The following NXPE2 variants were observed in gnomAD, a reference collection of about 807,000 sequenced individuals.
NXPE2 encodes neurexophilin and PC-esterase domain family member 2.
A neutral mutation model predicts 34.4 loss-of-function variants in NXPE2; 34 were observed. The observed-to-expected ratio is 0.99, with a 90% confidence interval of 0.75 to 1.31. The LOEUF (loss-of-function observed/expected upper bound fraction) is 1.31. Among genes scored for constraint, NXPE2 ranks in the 40% most tolerant of loss-of-function variants. NXPE2 has a pLI of 0.00. For synonymous variants in NXPE2, 235 were observed against 231.3 expected (o/e 1.02, Z -0.15); for missense variants, 649 against 672.5 (o/e 0.97, Z 0.39).
the NXPE2 span, among the ~76,000 whole-genome samples, chr11:114,799,633 A>G: frequency 6.6e-6 from 1 of 152,206 alleles, no homozygotes; most frequent in Non-Finnish European, 1.5e-5. Context: ...TGCACTGCTT[A>G]CAATCATTCT....
At chr11:114,798,254 C>T in the NXPE2 span, among the ~76,000 whole-genome samples, 4 of 152,174 alleles carry the variant, frequency 2.6e-5, no homozygotes, top group Admixed American at 6.5e-5. Context: ...ATTTCTGTCA[C>T]CAACAGGTAA....
the NXPE2 span, among the ~76,000 whole-genome samples, chr11:114,500,888 T>A: frequency 1.3e-5 from 2 of 152,182 alleles, no homozygotes; most frequent in African/African-American, 2.4e-5. Flanking sequence ...CCATTCCTTA[T>A]GGAATTATTT....
chr11:114,691,988 G>T (rs1440484415), intron 2 of NXPE2, among the ~76,000 whole-genome samples: 1 of 152,178 alleles, frequency 6.6e-6, no homozygotes, highest in East Asian at 1.9e-4. Flanking sequence ...AGAAACTTTG[G>T]CTTCAGAAAC....
chr11:114,638,906 G>C, the NXPE2 span, among the ~76,000 whole-genome samples: 2 of 151,880 alleles, frequency 1.3e-5, no homozygotes, highest in Non-Finnish European at 2.9e-5. Context: ...GGCTGCTTGG[G>C]GGTCAGGGGT....
At chr11:114,765,427 T>G in the NXPE2 span, among the ~76,000 whole-genome samples, 1 of 152,052 alleles carries the variant, frequency 6.6e-6, no homozygotes. Context: ...ATTTTTCAAC[T>G]AAGATACATA....
the NXPE2 span, among the ~76,000 whole-genome samples, chr11:114,549,622 G>T: frequency 6.6e-6 from 1 of 151,932 alleles, no homozygotes; most frequent in East Asian, 1.9e-4. Flanking sequence ...TCAAAAGCTT[G>T]CATTTTACTT....
At chr11:114,577,015 A>ATATATATATACATATATATATAAAGT in the NXPE2 span, among the ~76,000 whole-genome samples, 1 of 72,010 alleles carries the variant, frequency 1.4e-5, no homozygotes, top group African/African-American at 7.7e-5. Context: ...AAAGTTATAT[A>ATATATATATACATATATATATAAAGT]TATATATATA....
chr11:114,773,279 A>ACCCCCCCCCCCCCCCCCCCC, the NXPE2 span, among the ~76,000 whole-genome samples: 5 of 69,364 alleles, frequency 7.2e-5, no homozygotes, highest in Non-Finnish European at 1.1e-4. Flanking sequence ...ACCCACTCCC[A>ACCCCCCCCCCCCCCCCCCCC]CCCCCCCCCC....
chr11:114,541,692 T>C, the NXPE2 span, among the ~76,000 whole-genome samples: 1 of 152,172 alleles, frequency 6.6e-6, no homozygotes, highest in Admixed American at 6.5e-5. Flanking sequence ...TTCCAGGCTA[T>C]AGGTAAATTT....
chr11:114,556,056 A>G, the NXPE2 span, among the ~76,000 whole-genome samples: 1 of 152,168 alleles, frequency 6.6e-6, no homozygotes, highest in South Asian at 2.1e-4. Context: ...TGGTAAGTAA[A>G]TGTTTAACTT....
Position 114,706,757 on chromosome 11 carries a change from A to G in NXPE2, c.1507A>G (p.Ser503Gly), listed in dbSNP as rs1156497858. 4.5e-6 allele frequency: 7 copies of G among 1,552,330 alleles called. No individual in the cohort carries two copies. In the African/African-American group the frequency reaches 5.5e-5, roughly 12 times the overall value. ...REIEQNAEMF[S>G]DFHGYIQNLI... Reference sequence around the variant, plus strand: ...GATAGAACAAAATGCAGAGATGTTCAGTGACTTTCATGGCTATATTCAGAA... The same window carrying G: ...GATAGAACAAAATGCAGAGATGTTCGGTGACTTTCATGGCTATATTCAGAA... Residue 503 changes from serine to glycine, a missense_variant, in exon 6 of 6, where the codon AGT (serine) becomes GGT (glycine). Transcript: ENST00000389586.
chr11:114,674,865 A>G (rs1950840349), upstream of NXPE2, among the ~76,000 whole-genome samples: 1 of 151,766 alleles, frequency 6.6e-6, no homozygotes, highest in Non-Finnish European at 1.5e-5. Context: ...ATAATTATAG[A>G]CTATCATCCC....
chr11:114,624,503 C>T, the NXPE2 span, among the ~76,000 whole-genome samples: 1 of 152,028 alleles, frequency 6.6e-6, no homozygotes, highest in Non-Finnish European at 1.5e-5. Flanking sequence ...GCCCTGTTGC[C>T]CACTGGATAA....
At chr11:114,719,772 G>T in the NXPE2 span, among the ~76,000 whole-genome samples, 1 of 152,354 alleles carries the variant, frequency 6.6e-6, no homozygotes, top group African/African-American at 2.4e-5. Flanking sequence ...GAGGCTGGGA[G>T]CCTTGAGAGG....
upstream of NXPE2, among the ~76,000 whole-genome samples, chr11:114,673,989 G>T (rs1950829108): frequency 6.6e-6 from 1 of 151,720 alleles, no homozygotes; most frequent in South Asian, 2.1e-4. Context: ...ACAGGATAAA[G>T]ACAAAACTAG....
the NXPE2 span, among the ~76,000 whole-genome samples, chr11:114,596,692 A>G: frequency 2.6e-5 from 4 of 152,194 alleles, no homozygotes; most frequent in Non-Finnish European, 5.9e-5. Context: ...TGAGGAGCCT[A>G]TAATAAGAAA....
the NXPE2 span, among the ~76,000 whole-genome samples, chr11:114,632,304 C>G: frequency 7.4e-6 from 1 of 134,848 alleles, no homozygotes; most frequent in Non-Finnish European, 1.5e-5. Context: ...TCCACCACCA[C>G]CACCAATACT....
chr11:114,785,399 T>TCAATTGTTATCATTATCTGAA, the NXPE2 span, among the ~76,000 whole-genome samples: 3 of 152,152 alleles, frequency 2.0e-5, no homozygotes, highest in African/African-American at 7.2e-5. Context: ...CAACTCAAAC[T>TCAATTGTTATCATTATCTGAA]CAATTGTTAT....
chr11:114,790,068 C>G, the NXPE2 span, among the ~76,000 whole-genome samples: 1 of 152,290 alleles, frequency 6.6e-6, no homozygotes, highest in East Asian at 1.9e-4. Context: ...TACGCACTTA[C>G]AATAAGCCCT....
Sources: allele counts gnomAD v4.1 joint callset (sites outside exome capture counted in the v4.1 genomes callset), GRCh38; gene constraint gnomAD v4.1.1; transcripts MANE v1.5; gene names NCBI Gene and HGNC (gene_info 2026-07-23, HGNC 2026-07-21).